Variants in FBXL13 observed in about 807,000 individuals in gnomAD.
The protein encoded by FBXL13 is F-box and leucine-rich repeat protein 13.
FBXL13 carries 67 observed loss-of-function variants against 83.6 expected under a neutral mutation model. The ratio of observed to expected loss-of-function variants is 0.80; its 90% confidence interval spans 0.66 to 0.98. The LOEUF is 0.98. Among genes scored for constraint, FBXL13 ranks in the 50% least tolerant of loss-of-function variants. The pLI, the probability that FBXL13 is intolerant of heterozygous loss-of-function variation, is 0.00. For missense variants in FBXL13, 822 were observed against 866.5 expected (o/e 0.95, Z 0.64); for synonymous variants, 272 against 299.5 (o/e 0.91, Z 0.95).
chr7:103,006,697 C>T (rs559647744), intron 6 of FBXL13, among the ~76,000 whole-genome samples: 1 of 152,036 alleles, frequency 6.6e-6, no homozygotes, highest in East Asian at 1.9e-4. Context: ...GATTATCCAA[C>T]ATATAATAAA....
chr7:102,868,940 T>C (rs771561479), intron 16 of FBXL13, among the ~76,000 whole-genome samples: 9 of 152,202 alleles, frequency 5.9e-5, no homozygotes, highest in Non-Finnish European at 1.0e-4. Flanking sequence ...AGTGCTGGGA[T>C]TGCAGGCATG....
chr7:102,929,663 C>CAAAAA (rs35025022), intron 9 of FBXL13, among the ~76,000 whole-genome samples: 3 of 91,404 alleles, frequency 3.3e-5, no homozygotes, highest in African/African-American at 9.5e-5. Context: ...GACTCCATCT[C>CAAAAA]AAAAAAAAAA....
chr7:103,041,728 A>T (rs1211108954), intron 2 of FBXL13, among the ~76,000 whole-genome samples: 1 of 152,242 alleles, frequency 6.6e-6, no homozygotes, highest in Non-Finnish European at 1.5e-5. Flanking sequence ...AAACCACATG[A>T]TTATCTCAAT....
At chr7:103,012,813 C>A (rs1369733767) in intron 6 of FBXL13, among the ~76,000 whole-genome samples, 1 of 152,200 alleles carries the variant, frequency 6.6e-6, no homozygotes, top group Non-Finnish European at 1.5e-5. Context: ...CGATACTAAT[C>A]TTGAATGTAA....
intron 2 of FBXL13, among the ~76,000 whole-genome samples, chr7:103,033,427 C>T (rs546602313): frequency 3.3e-5 from 5 of 152,276 alleles, no homozygotes; most frequent in African/African-American, 7.2e-5. Context: ...AGAATGAAGC[C>T]GCGGACCCTC....
At chr7:102,946,475 G>A (rs981195008) in intron 8 of FBXL13, among the ~76,000 whole-genome samples, 13 of 152,124 alleles carry the variant, frequency 8.5e-5, no homozygotes, top group Non-Finnish European at 1.6e-4. Context: ...CCCCAAAGAG[G>A]AGCAGGTACC....
At chr7:102,877,363 T>A in intron 16 of FBXL13, 104 bp downstream of exon 17, 1 of 1,017,586 alleles carries the variant, frequency 9.8e-7, no homozygotes. Flanking sequence ...TATAATAGAA[T>A]AACAAATAAA....
At position 103,028,620 on chromosome 7, in the gene FBXL13, T is replaced by G. The variant is rs777182810; in HGVS notation, c.197A>C (p.Asp66Ala). ...TTTACTTTTAAGTTTTTCTTTCTGG[T>G]CTTCCATATAAGAGTGCCAGTGATG... is the stretch of plus-strand genomic sequence containing the variant. Residue 66 changes from aspartate (D) to alanine (A), a missense_variant, in exon 4 of 20, where the codon GAC becomes GCC. By Grantham distance (126) the Asp-to-Ala change is moderately radical. Coordinates refer to ENST00000313221, the Ensembl canonical transcript of FBXL13. The G allele has an allele frequency of 1.3e-6, 2 of 1,579,428 alleles. No homozygotes were observed. Among genetic ancestry groups the G allele is most frequent in the African/African-American group, 2.7e-5 (2 of 73,258 alleles).
At chr7:103,060,045 T>TATAC (rs1797736703) in intron 1 of FBXL13, among the ~76,000 whole-genome samples, 1 of 98,964 alleles carries the variant, frequency 1.0e-5, no homozygotes, top group Non-Finnish European at 2.0e-5. Flanking sequence ...TATATATATA[T>TATAC]ATATATATAT....
intron 6 of FBXL13, among the ~76,000 whole-genome samples, chr7:102,977,813 C>T (rs1024052478): frequency 4.6e-5 from 7 of 152,100 alleles, no homozygotes; most frequent in African/African-American, 1.7e-4. Flanking sequence ...ATGGATGAAG[C>T]TGGAAACCAT....
chr7:102,896,046 G>T (rs1328144831), intron 11 of FBXL13, among the ~76,000 whole-genome samples: 1 of 152,238 alleles, frequency 6.6e-6, no homozygotes, highest in Non-Finnish European at 1.5e-5. Context: ...CCTGCAGCAT[G>T]AGCCTGCTTA....
At chr7:102,961,074 A>G (rs1825116235) in intron 8 of FBXL13, among the ~76,000 whole-genome samples, 2 of 148,782 alleles carry the variant, frequency 1.3e-5, no homozygotes, top group Non-Finnish European at 3.0e-5. Flanking sequence ...ATGATTGTAT[A>G]TCTAGAAAAC....
intron 10 of FBXL13, among the ~76,000 whole-genome samples, chr7:102,914,816 G>C (rs1043118519): frequency 5.3e-5 from 8 of 152,172 alleles, no homozygotes; most frequent in African/African-American, 1.7e-4. Context: ...TGGGGCTGTC[G>C]AGTGGACTGA....
intron 16 of FBXL13, among the ~76,000 whole-genome samples, chr7:102,855,339 C>CTT (rs1805878588): frequency 1.3e-5 from 2 of 151,920 alleles, no homozygotes; most frequent in African/African-American, 4.8e-5. Flanking sequence ...ATATAAAGGC[C>CTT]TAGAGACAGA....
At chr7:102,812,682 C>T (rs893761306), downstream of FBXL13, among the ~76,000 whole-genome samples, 3 of 152,078 alleles carry the variant, frequency 2.0e-5, no homozygotes, top group Non-Finnish European at 4.4e-5. Flanking sequence ...TCTCTGCTTT[C>T]TTTTTCCTTT....
rs935176485 is a variant in FBXL13 at position 103,067,435 on chromosome 7, A to G, written c.-105+6811T>C. On this transcript the variant is annotated intron_variant, in intron 1 of 19. Transcript: ENST00000313221. Reference sequence around the variant, plus strand: ...TTAATTCCTCTCCTCTTGAATATGGATTAGTCTTAATAATCCACTTGTAAT... The same window carrying G: ...TTAATTCCTCTCCTCTTGAATATGGGTTAGTCTTAATAATCCACTTGTAAT... Among the ~76,000 whole-genome samples the G allele has an allele frequency of 2.6e-4, 39 of 152,212 alleles. 1 individual carries two copies. Among genetic ancestry groups the G allele is most frequent in the Admixed American group, 2.2e-3 (34 of 15,286 alleles).
chr7:103,038,607 G>A (rs1419631524), intron 2 of FBXL13, among the ~76,000 whole-genome samples: 1 of 152,204 alleles, frequency 6.6e-6, no homozygotes, highest in East Asian at 1.9e-4. Flanking sequence ...CTGGGACGAA[G>A]CTTCCAGAGG....
chr7:102,960,240 T>G (rs1310458655), intron 8 of FBXL13, among the ~76,000 whole-genome samples: 2 of 151,842 alleles, frequency 1.3e-5, no homozygotes, highest in African/African-American at 4.8e-5. Context: ...CTAGAAGAAA[T>G]GGATAAATTC....
At chr7:102,871,170 T>C (rs1027926325) in intron 16 of FBXL13, among the ~76,000 whole-genome samples, 1 of 152,128 alleles carries the variant, frequency 6.6e-6, no homozygotes, top group African/African-American at 2.4e-5. Context: ...CTTGAGGATC[T>C]TGGCCACATT....
Sources: allele counts gnomAD v4.1 joint callset (sites outside exome capture counted in the v4.1 genomes callset), GRCh38; gene constraint gnomAD v4.1.1; transcripts MANE v1.5; gene names NCBI Gene and HGNC (gene_info 2026-07-23, HGNC 2026-07-21).